Variants in SRGAP2B observed in about 807,000 individuals in gnomAD.
SRGAP2B encodes the protein SLIT-ROBO Rho GTPase activating protein 2B.
SRGAP2B carries 9 observed loss-of-function variants against 22.2 expected under a neutral mutation model. That is an observed-to-expected ratio of 0.41 (90% CI 0.24 to 0.71). The LOEUF (loss-of-function observed/expected upper bound fraction) is 0.71. SRGAP2B is among the 30% of genes least tolerant of loss of function. The pLI is 0.35. For synonymous variants in SRGAP2B, 36 were observed against 87.4 expected (o/e 0.41, Z 3.28); for missense variants, 114 against 235.8 (o/e 0.48, Z 3.38).
At chr1:144,971,481 G>C (rs1668518125) in intron 3 of SRGAP2B, among the ~76,000 whole-genome samples, 1 of 150,392 alleles carries the variant, frequency 6.6e-6, no homozygotes, top group Middle Eastern at 3.2e-3. Context: ...CCAGGTTGGA[G>C]TACACGGGCA....
chr1:144,997,330 C>T (rs1391930223), intron 2 of SRGAP2B, among the ~76,000 whole-genome samples: 3 of 150,824 alleles, frequency 2.0e-5, no homozygotes, highest in African/African-American at 7.4e-5. Flanking sequence ...ACTGGGGAGG[C>T]TGAGGTGCGA....
In SRGAP2B at chr1:144,985,596, G is replaced by C. The variant is rs587704447; in HGVS notation, c.260+9412C>G. On this transcript the variant is annotated intron_variant, in intron 3 of 9. Coordinates refer to ENST00000612199, the Ensembl canonical transcript of SRGAP2B. ...TTCCACTTAAAAGAGACAATCAAAG[G>C]CTCAGCAACGCATAGGAATACATTT... 1.3e-5 allele frequency among the ~76,000 whole-genome samples: 2 copies of C among 150,776 alleles called. 1 individual carries two copies. Among genetic ancestry groups the C allele is most frequent in the African/African-American group, 5.0e-5 (2 of 40,316 alleles).
At chr1:144,924,536 C>A (rs1289955894) in intron 4 of SRGAP2B, among the ~76,000 whole-genome samples, 1 of 150,148 alleles carries the variant, frequency 6.7e-6, no homozygotes, top group East Asian at 1.9e-4. Flanking sequence ...GTCAGGAGAT[C>A]GAGACCAAGG....
rs587738537 is a variant in SRGAP2B at position 144,965,189 on chromosome 1, G to C, written c.261-9588C>G. The C allele has an allele frequency of 3.8e-4, 392 of 1,043,754 alleles. 2 individuals are homozygous for C. The highest frequency in any genetic ancestry group is 5.3e-4 in the Non-Finnish European group (361 of 674,988). 64.7% of individuals were successfully genotyped at this position (1,043,754 alleles called of 1,614,324 possible). A position where few individuals can be genotyped will look rare whatever the true frequency, so the allele number is the denominator to read the frequency against. ...AAGATGGCCGAATAGGAACAGCTCCGGTCTACAGCTCCAGCGTGAGCGACA... is the reference window on the plus strand; with the variant it reads ...AAGATGGCCGAATAGGAACAGCTCCCGTCTACAGCTCCAGCGTGAGCGACA... On this transcript the variant is annotated intron_variant, in intron 3 of 9. Transcript: ENST00000612199.
chr1:144,925,727 AAAAGAAAG>A (rs202130146), intron 4 of SRGAP2B, among the ~76,000 whole-genome samples: 9,439 of 103,124 alleles, frequency 0.092, 172 homozygotes, highest in Admixed American at 0.11. Context: ...AGAGAGAAAG[AAAAGAAAG>A]AAAGAAAGAA....
chr1:145,006,070 C>A (rs1570989906), intron 2 of SRGAP2B, among the ~76,000 whole-genome samples: 1 of 150,916 alleles, frequency 6.6e-6, no homozygotes, highest in South Asian at 2.1e-4. Context: ...GATGCACCAG[C>A]CTGACAGTGC....
intron 4 of SRGAP2B, among the ~76,000 whole-genome samples, chr1:144,939,620 A>T (rs1411707721): frequency 8.8e-5 from 13 of 146,982 alleles, no homozygotes; most frequent in Admixed American, 1.3e-4. Context: ...CAATAAAATA[A>T]TATTATTAAA....
intron 3 of SRGAP2B, among the ~76,000 whole-genome samples, chr1:144,993,138 T>C (rs1670387261): frequency 6.6e-6 from 1 of 151,092 alleles, no homozygotes. Flanking sequence ...CTGGAGTGAA[T>C]GTTCTGTTTG....
intron 5 of SRGAP2B, among the ~76,000 whole-genome samples, chr1:144,906,996 A>ACTAC (rs1663029479): frequency 7.4e-6 from 1 of 135,870 alleles, no homozygotes; most frequent in Non-Finnish European, 1.6e-5. Context: ...TACTAAACAT[A>ACTAC]CTACTTCCAG....
At chr1:144,975,023 G>A (rs1174818968) in intron 3 of SRGAP2B, among the ~76,000 whole-genome samples, 2 of 147,248 alleles carry the variant, frequency 1.4e-5, no homozygotes, top group African/African-American at 2.7e-5. Flanking sequence ...AGACAGGGCT[G>A]GTCCAGAAGT....
intron 4 of SRGAP2B, among the ~76,000 whole-genome samples, chr1:144,940,920 G>A (rs1226190610): frequency 1.5e-4 from 23 of 148,830 alleles, no homozygotes; most frequent in African/African-American, 5.8e-4. Context: ...AAAAGAAGAT[G>A]CAATGACATG....
At chr1:144,991,435 G>A (rs1670216791) in intron 3 of SRGAP2B, among the ~76,000 whole-genome samples, 1 of 148,130 alleles carries the variant, frequency 6.8e-6, no homozygotes, top group African/African-American at 2.6e-5. Flanking sequence ...CTAGCTCAAG[G>A]ACTGTAAATA....
intron 2 of SRGAP2B, among the ~76,000 whole-genome samples, chr1:145,009,148 G>A (rs1337710361): frequency 7.1e-6 from 1 of 140,666 alleles, no homozygotes; most frequent in Non-Finnish European, 1.5e-5. Flanking sequence ...CTGCACTCCA[G>A]CCTGGGCGAC....
intron 4 of SRGAP2B, among the ~76,000 whole-genome samples, chr1:144,951,191 A>T (rs1372523009): frequency 6.9e-6 from 1 of 145,842 alleles, no homozygotes; most frequent in South Asian, 2.2e-4. Context: ...TTTTTTTTTT[A>T]AACAGACAGG....
At chr1:144,965,240 C>T in intron 3 of SRGAP2B, 1 of 628,068 alleles carries the variant, frequency 1.6e-6, no homozygotes, top group Non-Finnish European at 2.9e-6. Context: ...TTCTGCATTT[C>T]CATCTGAGCT....
intron 4 of SRGAP2B, among the ~76,000 whole-genome samples, chr1:144,925,620 G>A (rs1251617576): frequency 7.2e-6 from 1 of 139,022 alleles, no homozygotes; most frequent in Non-Finnish European, 1.5e-5. Flanking sequence ...CTCCAGCCTG[G>A]GTGACAGAGC....
intron 2 of SRGAP2B, among the ~76,000 whole-genome samples, chr1:145,009,677 C>G (rs1329284054): frequency 5.5e-5 from 8 of 145,110 alleles, no homozygotes; most frequent in Non-Finnish European, 1.2e-4. Context: ...AGTCTCTCTA[C>G]TGTATATATT....
At chr1:144,986,487 T>C (rs1274853664) in intron 3 of SRGAP2B, among the ~76,000 whole-genome samples, 1 of 149,530 alleles carries the variant, frequency 6.7e-6, no homozygotes, top group Non-Finnish European at 1.5e-5. Flanking sequence ...CTATTGTCAC[T>C]CCAGAGACCC....
At chr1:145,036,332 C>T (rs1454073646) in intron 2 of SRGAP2B, among the ~76,000 whole-genome samples, 4 of 146,192 alleles carry the variant, frequency 2.7e-5, no homozygotes, top group Non-Finnish European at 5.9e-5. Context: ...TGCTTCCCAA[C>T]CCTAAAGGCA....
Sources: allele counts gnomAD v4.1 joint callset (sites outside exome capture counted in the v4.1 genomes callset), GRCh38; gene constraint gnomAD v4.1.1; transcripts MANE v1.5; gene names NCBI Gene and HGNC (gene_info 2026-07-23, HGNC 2026-07-21).